Variants in TNR observed in about 807,000 individuals in gnomAD.
TNR encodes tenascin R, also known as tenascin-R.
In TNR, 45 loss-of-function variants were observed where a neutral mutation model predicts 150.4. The observed-to-expected ratio is 0.30, with a 90% confidence interval of 0.24 to 0.38. The LOEUF (loss-of-function observed/expected upper bound fraction) is 0.38, where lower values mean the gene tolerates loss of function less well. Among genes scored for constraint, TNR ranks in the 10% least tolerant of loss-of-function variants. TNR has a pLI of 1.00. For synonymous variants in TNR, 687 were observed against 678.4 expected, an observed-to-expected ratio of 1.01 and a Z score of -0.20; for missense variants, 1,544 against 1,759.1, an observed-to-expected ratio of 0.88 and a Z score of 2.19.
At chr1:175,571,926 CCATGG>C (rs768454238) in intron 1 of TNR, among the ~76,000 whole-genome samples, 116 of 152,278 alleles carry the variant, frequency 7.6e-4, no homozygotes, top group Non-Finnish European at 1.3e-3. Context: ...TGCATGCTTT[CCATGG>C]AACCAGGCCT....
In TNR at chr1:175,337,696, C is replaced by A. The variant is rs776879381; in HGVS notation, c.3383-17G>T. On this transcript the variant is annotated splice_polypyrimidine_tract_variant and intron_variant, in intron 18 of 22. Transcript: ENST00000367674. ...CCCGGCCTCCTGCAAGGAAAATAGACAATGTCCAGAAAGGATTCTTTCTCT... is the reference window on the plus strand; with the variant it reads ...CCCGGCCTCCTGCAAGGAAAATAGAAAATGTCCAGAAAGGATTCTTTCTCT... 1 of 1,613,398 alleles carries A rather than the reference C, an allele frequency of 6.2e-7. No homozygotes were observed. Among genetic ancestry groups the A allele is most frequent in the South Asian group, 1.1e-5 (1 of 90,922 alleles).
intron 1 of TNR, among the ~76,000 whole-genome samples, chr1:175,739,481 C>T (rs1287634154): frequency 1.3e-5 from 2 of 148,372 alleles, no homozygotes; most frequent in African/African-American, 2.6e-5. Flanking sequence ...GTGCTGATAC[C>T]ACACATGCAC....
chr1:175,560,111 A>G (rs1448436206), intron 1 of TNR, among the ~76,000 whole-genome samples: 1 of 152,258 alleles, frequency 6.6e-6, no homozygotes, highest in Non-Finnish European at 1.5e-5. Context: ...CACATGAATT[A>G]TTCTTAAACC....
At chr1:175,672,642 G>C (rs920074162) in intron 1 of TNR, among the ~76,000 whole-genome samples, 3 of 152,220 alleles carry the variant, frequency 2.0e-5, no homozygotes, top group Admixed American at 2.0e-4. Flanking sequence ...ATTCTAACCA[G>C]ACAAGAGGAT....
Position 175,368,811 on chromosome 1 carries a change from T to C in TNR, c.1964-1514A>G, listed in dbSNP as rs1003444993. Reference sequence around the variant, plus strand: ...TAAAATTACAACAATTAGCCGGGTGTGGTGGTGTGCACCTGTAGTCCCAGC... The same window carrying C: ...TAAAATTACAACAATTAGCCGGGTGCGGTGGTGTGCACCTGTAGTCCCAGC... On this transcript the variant is annotated intron_variant, in intron 9 of 22. Coordinates refer to ENST00000367674, the MANE Select transcript of TNR (RefSeq NM_003285.3). Among the ~76,000 whole-genome samples, 5 of 152,260 alleles carry C rather than the reference T, an allele frequency of 3.3e-5. No individual in the cohort carries two copies. In the East Asian group the frequency reaches 5.8e-4, roughly 18 times the overall value.
At chr1:175,650,594 C>T (rs1450729271) in intron 1 of TNR, among the ~76,000 whole-genome samples, 1 of 151,310 alleles carries the variant, frequency 6.6e-6, no homozygotes, top group African/African-American at 2.4e-5. Context: ...CACAAGATTA[C>T]TAAACTTTCC....
intron 1 of TNR, among the ~76,000 whole-genome samples, chr1:175,714,358 A>G (rs939384131): frequency 1.3e-5 from 2 of 152,180 alleles, no homozygotes; most frequent in African/African-American, 4.8e-5. Flanking sequence ...TTGCTTCAAT[A>G]CATAATTAAA....
intron 1 of TNR, among the ~76,000 whole-genome samples, chr1:175,537,269 G>A (rs1401443267): frequency 6.6e-6 from 1 of 152,190 alleles, no homozygotes; most frequent in Non-Finnish European, 1.5e-5. Context: ...GGCCAAAAAT[G>A]AAAGAGAAAG....
chr1:175,516,171 G>A (rs952363920), intron 2 of TNR, among the ~76,000 whole-genome samples: 3 of 152,124 alleles, frequency 2.0e-5, no homozygotes, highest in Non-Finnish European at 4.4e-5. Context: ...TTTCTGTAAC[G>A]TAGTGATTGA....
At chr1:175,703,436 C>A (rs1196919554) in intron 1 of TNR, among the ~76,000 whole-genome samples, 3 of 152,240 alleles carry the variant, frequency 2.0e-5, no homozygotes, top group Middle Eastern at 3.4e-3. Context: ...AATGAATGAG[C>A]AAATCAATGT....
intron 2 of TNR, among the ~76,000 whole-genome samples, chr1:175,464,971 C>T (rs1270722105): frequency 2.0e-5 from 3 of 152,222 alleles, no homozygotes; most frequent in African/African-American, 7.2e-5. Context: ...TCCTGCCCTG[C>T]CTGTTCCTAA....
chr1:175,362,857 C>T, intron 13 of TNR, 48 bp from the exon 14 acceptor site: 1 of 1,610,526 alleles, frequency 6.2e-7, no homozygotes, highest in South Asian at 1.1e-5. Context: ...CCCTTTCATC[C>T]AAGCAGCCCA....
At chr1:175,460,168 G>A (rs1318576648) in intron 2 of TNR, among the ~76,000 whole-genome samples, 1 of 152,138 alleles carries the variant, frequency 6.6e-6, no homozygotes, top group Non-Finnish European at 1.5e-5. Context: ...AGGTGTGAGA[G>A]GGGAGGCAGG....
At chr1:175,399,230 A>G (rs879633057) in intron 4 of TNR, among the ~76,000 whole-genome samples, 9 of 152,218 alleles carry the variant, frequency 5.9e-5, no homozygotes, top group Non-Finnish European at 1.3e-4. Flanking sequence ...CAGGTTTCCT[A>G]TGCAGGACTT....
intron 1 of TNR, among the ~76,000 whole-genome samples, chr1:175,714,594 T>C (rs1430321391): frequency 6.6e-6 from 1 of 152,198 alleles, no homozygotes; most frequent in East Asian, 1.9e-4. Flanking sequence ...TAATGCACAC[T>C]GAACCATCCC....
chr1:175,319,732 T>C lies in TNR; in HGVS notation c.*3625A>G, dbSNP rs1263147409. On this transcript the variant is annotated 3_prime_UTR_variant, in exon 23 of 23. Transcript: ENST00000367674. ...AAATCAGCTGGCCGGTTTTCCTGAGTCCTGGTTTGGCTCTCCTGGAAACTT... is the reference window on the plus strand; with the variant it reads ...AAATCAGCTGGCCGGTTTTCCTGAGCCCTGGTTTGGCTCTCCTGGAAACTT... 6.6e-6 allele frequency: 1 copy of C among 152,246 alleles called. No homozygotes were observed. The highest frequency in any genetic ancestry group is 1.5e-5 in the Non-Finnish European group (1 of 68,046). 9.4% of individuals were successfully genotyped at this position (152,246 alleles called of 1,614,324 possible). A position where few individuals can be genotyped will look rare whatever the true frequency, so the allele number is the denominator to read the frequency against.
rs771393411 is a variant in TNR, at chr1:175,391,425, C to A, written c.1370G>T (p.Gly457Val). 6.2e-7 allele frequency: 1 copy of A among 1,614,012 alleles called. No individual in the cohort carries two copies. Among genetic ancestry groups the A allele is most frequent in the Admixed American group, 1.7e-5 (1 of 60,008 alleles). The change falls in exon 7 of 23, where the codon GGA (glycine) becomes GTA (valine). Residue 457 changes from glycine to valine, a missense_variant. Gly to Val is a moderately radical substitution (Grantham distance 109). Transcript: ENST00000367674. ...ISFIPKNNEG[G>V]VIAQVPSDVT... The stretch of plus-strand genomic sequence containing the variant: ...ATCGCTGGGGACCTGAGCAATCACT[C>A]CCCCTTCATTGTTCTGGACAGTGGG...
chr1:175,670,948 G>A (rs115035105), intron 1 of TNR, among the ~76,000 whole-genome samples: 10 of 152,132 alleles, frequency 6.6e-5, no homozygotes, highest in African/African-American at 2.4e-4. Flanking sequence ...GTGCTCTGTG[G>A]GGGGTAGGTT....
At chr1:175,582,559 T>C (rs939937296) in intron 1 of TNR, among the ~76,000 whole-genome samples, 2 of 152,168 alleles carry the variant, frequency 1.3e-5, no homozygotes, top group Admixed American at 6.5e-5. Context: ...CTCCATGTTC[T>C]ACTTTGAGGT....
Sources: allele counts gnomAD v4.1 joint callset (sites outside exome capture counted in the v4.1 genomes callset), GRCh38; gene constraint gnomAD v4.1.1; transcripts MANE v1.5; gene names NCBI Gene and HGNC (gene_info 2026-07-23, HGNC 2026-07-21).